Variants in RBKS observed in about 807,000 individuals in gnomAD.
The protein encoded by RBKS is ribokinase.
Under a neutral mutation model 33.9 loss-of-function variants are expected in RBKS, and 33 were observed. That is an observed-to-expected ratio of 0.97 (90% CI 0.74 to 1.30). The LOEUF is 1.30. Among genes scored for constraint, RBKS ranks in the 50% most tolerant of loss-of-function variants. RBKS has a pLI of 0.00. For missense variants in RBKS, 361 were observed against 392.6 expected (o/e 0.92, Z 0.68); for synonymous variants, 125 against 143.0 (o/e 0.87, Z 0.90).
intron 2 of RBKS, among the ~76,000 whole-genome samples, chr2:27,855,608 G>T (rs563079281): frequency 6.6e-4 from 101 of 152,274 alleles, no homozygotes; most frequent in African/African-American, 2.3e-3. Context: ...TACAATATCT[G>T]CCAGGATTTT....
At position 27,795,594 on chromosome 2, in the gene RBKS, C is replaced by G. The variant is rs541590919; in HGVS notation, c.796-13806G>C. On this transcript the variant is annotated intron_variant, in intron 7 of 7. Transcript: ENST00000302188. The surrounding 1 kb of genome is among the most constrained non-coding windows in gnomAD (Gnocchi z 4.1). ...TCTTCACACTGACCCTGCACTCCCC[C>G]GCCACTGAAACTTGAGGGAATTGAG... Among the ~76,000 whole-genome samples, 1 of 152,100 alleles carries G rather than the reference C, an allele frequency of 6.6e-6. No homozygotes were observed. Among genetic ancestry groups the G allele is most frequent in the Admixed American group, 6.5e-5 (1 of 15,272 alleles).
intron 2 of RBKS, among the ~76,000 whole-genome samples, chr2:27,852,620 C>T (rs1573065213): frequency 6.6e-6 from 1 of 152,228 alleles, no homozygotes; most frequent in East Asian, 1.9e-4. Context: ...CCTCAAATGG[C>T]AGAAACCATC....
chr2:27,871,217 T>G (rs764437867), intron 1 of RBKS, among the ~76,000 whole-genome samples: 3 of 152,250 alleles, frequency 2.0e-5, no homozygotes, highest in Non-Finnish European at 4.4e-5. Context: ...ACACATTTGA[T>G]GAAGCTGTGG....
At chr2:27,814,509 G>C (rs1678051554) in intron 7 of RBKS, among the ~76,000 whole-genome samples, 1 of 152,118 alleles carries the variant, frequency 6.6e-6, no homozygotes, top group Non-Finnish European at 1.5e-5. Flanking sequence ...CGAAATAAAT[G>C]TATGTATTTA....
At chr2:27,858,331 C>T (rs938246929) in intron 2 of RBKS, 108 bp downstream of exon 2, 2 of 1,071,208 alleles carry the variant, frequency 1.9e-6, no homozygotes, top group African/African-American at 1.6e-5. Context: ...TATTACATGC[C>T]ACTGAACTGT....
intron 7 of RBKS, among the ~76,000 whole-genome samples, chr2:27,824,419 A>T (rs902658800): frequency 6.6e-6 from 1 of 152,076 alleles, no homozygotes; most frequent in Non-Finnish European, 1.5e-5. Context: ...CCACCCATCT[A>T]TGCTCTGTAT....
chr2:27,808,753 C>T (rs1240294900), intron 7 of RBKS, among the ~76,000 whole-genome samples: 1 of 152,208 alleles, frequency 6.6e-6, no homozygotes, highest in Non-Finnish European at 1.5e-5. Flanking sequence ...TTTGAGATAA[C>T]ATTTGTAAAA....
chr2:27,861,430 A>C, intron 1 of RBKS: 1 of 467,068 alleles, frequency 2.1e-6, no homozygotes, highest in Non-Finnish European at 4.5e-6. Context: ...TGCCCACTGC[A>C]CTCCCAGTAT....
At chr2:27,790,203 A>G (rs1677496342) in intron 7 of RBKS, among the ~76,000 whole-genome samples, 1 of 152,040 alleles carries the variant, frequency 6.6e-6, no homozygotes, top group South Asian at 2.1e-4. Flanking sequence ...GTACCCAGTA[A>G]TTCAATGGAG....
intron 7 of RBKS, among the ~76,000 whole-genome samples, chr2:27,786,644 T>A (rs957534802): frequency 6.6e-6 from 1 of 151,768 alleles, no homozygotes; most frequent in African/African-American, 2.4e-5. Flanking sequence ...TAGCCGGGCG[T>A]GGTGGTGGGT....
chr2:27,785,761 C>CAA (rs534800572), intron 7 of RBKS, among the ~76,000 whole-genome samples: 64 of 97,042 alleles, frequency 6.6e-4, no homozygotes, highest in African/African-American at 1.4e-3. Context: ...GACTCCATCT[C>CAA]AAAAAAAAAA....
intron 5 of RBKS, among the ~76,000 whole-genome samples, chr2:27,835,206 G>A (rs1018029893): frequency 4.6e-5 from 7 of 151,564 alleles, no homozygotes; most frequent in Non-Finnish European, 7.4e-5. Flanking sequence ...AACCCGGGAG[G>A]TGGAGGCTAC....
Position 27,781,383 on chromosome 2 carries a change from T to C in RBKS, c.*232A>G. On this transcript the variant is annotated 3_prime_UTR_variant, in exon 8 of 8. Coordinates refer to ENST00000302188, the MANE Select transcript of RBKS (RefSeq NM_022128.3). ...TGACAATTGAGGTTACTTGTCTTTA[T>C]GTTTGTACAGATCTTGGTTGTGGAA... 1 of 448,650 alleles carries C rather than the reference T, an allele frequency of 2.2e-6. No homozygotes were observed. The highest frequency in any genetic ancestry group is 3.8e-5 in the East Asian group (1 of 26,110). 27.8% of individuals were successfully genotyped at this position (448,650 alleles called of 1,614,324 possible).
chr2:27,801,040 C>G (rs992486620), intron 7 of RBKS, among the ~76,000 whole-genome samples: 1 of 152,194 alleles, frequency 6.6e-6, no homozygotes, highest in Non-Finnish European at 1.5e-5. Context: ...TGCACTTCCT[C>G]AGTAATGCCA....
chr2:27,833,801 T>G (rs550371123), intron 5 of RBKS, among the ~76,000 whole-genome samples: 1 of 152,346 alleles, frequency 6.6e-6, no homozygotes, highest in East Asian at 1.9e-4. Context: ...CATAGGAAGC[T>G]CCTTCTTTGT....
At chr2:27,827,501 C>A (rs1444334537) in intron 7 of RBKS, 66 bp downstream of exon 7, 2 of 1,374,962 alleles carry the variant, frequency 1.5e-6, no homozygotes, top group Non-Finnish European at 2.0e-6. Flanking sequence ...TCAGGTACAG[C>A]ATCTAATTAG....
At chr2:27,829,130 T>C (rs896306241) in intron 6 of RBKS, among the ~76,000 whole-genome samples, 1 of 152,146 alleles carries the variant, frequency 6.6e-6, no homozygotes, top group African/African-American at 2.4e-5. Flanking sequence ...CCTGGGTTCA[T>C]GTGATTCAAC....
chr2:27,872,197 G>C (rs1228383430), intron 1 of RBKS, among the ~76,000 whole-genome samples: 1 of 152,154 alleles, frequency 6.6e-6, no homozygotes, highest in Non-Finnish European at 1.5e-5. Context: ...GGGGACCCCT[G>C]CTCTACAGGC....
At chr2:27,856,246 T>C (rs1476673657) in intron 2 of RBKS, among the ~76,000 whole-genome samples, 1 of 152,224 alleles carries the variant, frequency 6.6e-6, no homozygotes, top group African/African-American at 2.4e-5. Flanking sequence ...GATCCTCTGC[T>C]AGGCAGACAC....
Sources: allele counts gnomAD v4.1 joint callset (sites outside exome capture counted in the v4.1 genomes callset), GRCh38; gene constraint gnomAD v4.1.1; non-coding constraint Gnocchi (gnomAD v3.1); transcripts MANE v1.5; gene names NCBI Gene and HGNC (gene_info 2026-07-23, HGNC 2026-07-21).